The following NOS1 variants were observed in gnomAD, a reference collection of about 807,000 sequenced individuals.
NOS1 encodes NOS type I.
In NOS1, 51 loss-of-function variants were observed where a neutral mutation model predicts 164.5. That is an observed-to-expected ratio of 0.31 (90% CI 0.25 to 0.39). The LOEUF is 0.39. NOS1 is among the 10% of genes least tolerant of loss of function. NOS1 has a pLI of 1.00. For synonymous variants in NOS1, 719 were observed against 745.8 expected, an observed-to-expected ratio of 0.96 and a Z score of 0.59; for missense variants, 1,362 against 1,885.6, an observed-to-expected ratio of 0.72 and a Z score of 5.14.
At chr12:117,260,917 C>T (rs1308452093) in intron 13 of NOS1, among the ~76,000 whole-genome samples, 1 of 151,326 alleles carries the variant, frequency 6.6e-6, no homozygotes, top group Admixed American at 6.6e-5. Context: ...CTTATAATCC[C>T]AGCACTTTGG....
chr12:117,213,548 C>CT lies in NOS1; in HGVS notation c.*1760dup, dbSNP rs555294056. On this transcript the variant is annotated 3_prime_UTR_variant, in exon 29 of 29. Transcript: ENST00000317775. Reference sequence around the variant, plus strand: ...AGGTGAGTCATAGATTGCCTTTTCACTTTAACAGTCTCCTGGCCTGGGCCC... The same window carrying CT: ...AGGTGAGTCATAGATTGCCTTTTCACTTTTAACAGTCTCCTGGCCTGGGCCC... 83 of 985,460 alleles carry CT rather than the reference C, an allele frequency of 8.4e-5. 1 individual carries two copies. The South Asian group carries it at 3.5e-3, about 41-fold the overall frequency. 61.0% of individuals were successfully genotyped at this position (985,460 alleles called of 1,614,324 possible).
At chr12:117,334,006 T>C (rs1322159368) in intron 1 of NOS1, among the ~76,000 whole-genome samples, 1 of 152,228 alleles carries the variant, frequency 6.6e-6, no homozygotes, top group Non-Finnish European at 1.5e-5. Context: ...AGGCGACCTC[T>C]TGGGGAGGCA....
At chr12:117,289,689 T>G (rs1015406838) in intron 4 of NOS1, among the ~76,000 whole-genome samples, 1 of 151,938 alleles carries the variant, frequency 6.6e-6, no homozygotes, top group African/African-American at 2.4e-5. Flanking sequence ...AGACTAAGAG[T>G]ATTTAAGGGT....
At chr12:117,293,452 A>G (rs574437856) in intron 3 of NOS1, among the ~76,000 whole-genome samples, 22 of 151,980 alleles carry the variant, frequency 1.4e-4, no homozygotes, top group African/African-American at 4.6e-4. Context: ...TCTAGAATCC[A>G]TTCACTCCTC....
chr12:117,304,771 C>A (rs962390095), intron 3 of NOS1, among the ~76,000 whole-genome samples: 3 of 152,178 alleles, frequency 2.0e-5, no homozygotes, highest in Non-Finnish European at 4.4e-5. Context: ...AAGATTAATG[C>A]CTCAGCCTCC....
intron 9 of NOS1, among the ~76,000 whole-genome samples, chr12:117,274,074 G>A (rs928487809): frequency 1.3e-5 from 2 of 152,102 alleles, no homozygotes; most frequent in Non-Finnish European, 2.9e-5. Flanking sequence ...CATCCACCAA[G>A]GGATTAATAT....
intron 3 of NOS1, among the ~76,000 whole-genome samples, chr12:117,302,479 A>T (rs930721070): frequency 5.3e-5 from 8 of 151,252 alleles, no homozygotes; most frequent in Non-Finnish European, 1.0e-4. Context: ...CTGTAGTCCC[A>T]GCTACGCGGG....
intron 3 of NOS1, among the ~76,000 whole-genome samples, chr12:117,296,995 C>A (rs1252700314): frequency 6.6e-6 from 1 of 152,200 alleles, no homozygotes; most frequent in African/African-American, 2.4e-5. Context: ...CTGTAAATTT[C>A]TGTTGTCTAA....
chr12:117,299,238 T>C (rs1873632740), intron 3 of NOS1, among the ~76,000 whole-genome samples: 1 of 152,252 alleles, frequency 6.6e-6, no homozygotes, highest in Non-Finnish European at 1.5e-5. Flanking sequence ...AATTGCTATG[T>C]ATAGAACTTA....
At chr12:117,256,937 T>C (rs11068429) in intron 16 of NOS1, among the ~76,000 whole-genome samples, 75,224 of 151,646 alleles carry the variant, frequency 0.5, 19,685 homozygotes, top group African/African-American at 0.64. Context: ...CCAGGCATGG[T>C]GGTGTGTGCC....
rs756553284 is a variant in NOS1, at chr12:117,234,557, A to G, written c.3235+8T>C. The G allele has an allele frequency of 6.8e-5, 109 of 1,608,962 alleles. No individual in the cohort carries two copies. Among genetic ancestry groups the G allele is most frequent in the Non-Finnish European group, 8.8e-5 (104 of 1,176,286 alleles). ...CCTAGAGCAGGGAAGGGTCCCCGGG[A>G]ATGTTACCTAAAGCCGTGTTCCGCT... On this transcript the variant is annotated splice_region_variant and intron_variant, in intron 21 of 28. Transcript: ENST00000317775. The surrounding 1 kb of genome is among the most constrained non-coding windows in gnomAD (Gnocchi z 4.3).
chr12:117,235,993 A>G (rs1869675625), intron 20 of NOS1, among the ~76,000 whole-genome samples: 2 of 151,188 alleles, frequency 1.3e-5, no homozygotes, highest in Non-Finnish European at 2.9e-5. Context: ...CAATGAGCAG[A>G]AACTGCACCA....
In NOS1 at chr12:117,212,168, ATAAGT is replaced by A. The variant is rs1956539061; in HGVS notation, c.*3136_*3140del. The A allele has an allele frequency of 2.0e-6, 2 of 985,388 alleles. No individual in the cohort carries two copies. Among genetic ancestry groups the A allele is most frequent in the African/African-American group, 1.7e-5 (1 of 57,356 alleles). 61.0% of individuals were successfully genotyped at this position (985,388 alleles called of 1,614,324 possible). On this transcript the variant is annotated 3_prime_UTR_variant, in exon 29 of 29. Transcript: ENST00000317775. ...ACACACTGGAGAAGCAAGACATGTTATAAGTTAAGTGAAAAATTAAAATGCAGTAA... is the reference window on the plus strand; with the variant it reads ...ACACACTGGAGAAGCAAGACATGTTATAAGTGAAAAATTAAAATGCAGTAA...
intron 13 of NOS1, among the ~76,000 whole-genome samples, chr12:117,262,873 C>T (rs1592963639): frequency 6.6e-6 from 1 of 152,128 alleles, no homozygotes; most frequent in African/African-American, 2.4e-5. Context: ...AGGAAAATCA[C>T]TCCTCAGTAG....
intron 3 of NOS1, among the ~76,000 whole-genome samples, chr12:117,291,397 T>C (rs978678120): frequency 1.3e-5 from 2 of 152,132 alleles, no homozygotes; most frequent in African/African-American, 4.8e-5. Flanking sequence ...AGAGCCTCTT[T>C]ATGGGGACCT....
intron 1 of NOS1, among the ~76,000 whole-genome samples, chr12:117,349,293 C>T (rs865776211): frequency 5.9e-5 from 9 of 152,222 alleles, no homozygotes; most frequent in African/African-American, 2.2e-4. Context: ...CATAGATCAG[C>T]ACTTCATTTC....
chr12:117,348,155 A>G (rs1876443671), intron 1 of NOS1: 1 of 151,096 alleles, frequency 6.6e-6, no homozygotes, highest in Non-Finnish European at 1.5e-5. Context: ...ACACATCCCC[A>G]CCTGAGTCAG....
In NOS1 at chr12:117,272,444, T is replaced by C. The variant is rs1270263286; in HGVS notation, c.1780A>G (p.Met594Val). The C allele has an allele frequency of 6.2e-6, 10 of 1,614,102 alleles. No homozygotes were observed. In the Admixed American group the frequency reaches 1.3e-4, roughly 22 times the overall value. ...TCGCGGACACCAATCTCTGTGCCCATGTACCAGCCACTGAAGGGACAGGCG... is the reference window on the plus strand; with the variant it reads ...TCGCGGACACCAATCTCTGTGCCCACGTACCAGCCACTGAAGGGACAGGCG... ...FSACPFSGWY[M>V]GTEIGVRDYC... The change falls in exon 10 of 29, where the codon ATG becomes GTG. Residue 594 changes from methionine (M) to valine (V), a missense_variant. Transcript: ENST00000317775. This position sits in a 1 kb window ranked among gnomAD's most constrained non-coding sequence, Gnocchi z 4.3.
rs568030795 is a variant in NOS1 at position 117,356,698 on chromosome 12, G to A, written c.-421+4814C>T. ...CTGCTGTTCATCCTTAGCATCATAC[G>A]ACTGTGCCAAGACCCATGTCCACTA... On this transcript the variant is annotated intron_variant, in intron 1 of 28. Transcript: ENST00000317775. This position sits in a 1 kb window ranked among gnomAD's most constrained non-coding sequence, Gnocchi z 4.2. 2.6e-5 allele frequency among the ~76,000 whole-genome samples: 4 copies of A among 152,174 alleles called. No individual in the cohort carries two copies. Among genetic ancestry groups the A allele is most frequent in the Non-Finnish European group, 5.9e-5 (4 of 68,032 alleles).
Sources: allele counts gnomAD v4.1 joint callset (sites outside exome capture counted in the v4.1 genomes callset), GRCh38; gene constraint gnomAD v4.1.1; non-coding constraint Gnocchi (gnomAD v3.1); transcripts MANE v1.5; gene names NCBI Gene and HGNC (gene_info 2026-07-23, HGNC 2026-07-21).